The following KIF16B variants were observed in gnomAD, a reference collection of about 807,000 sequenced individuals.
KIF16B encodes the protein kinesin family member 16B.
Under a neutral mutation model 156.3 loss-of-function variants are expected in KIF16B, and 98 were observed. The ratio of observed to expected loss-of-function variants is 0.63; its 90% CI spans 0.53 to 0.74. The LOEUF (loss-of-function observed/expected upper bound fraction) is 0.74. Ranked by LOEUF, KIF16B falls within the 30% of genes least tolerant of loss-of-function variation. The probability of loss-of-function intolerance (pLI) is 0.00; values close to 1 mark genes in which losing one functional copy is unlikely to be tolerated. For synonymous variants in KIF16B, 564 were observed against 583.7 expected (o/e 0.97, Z 0.49); for missense variants, 1,421 against 1,606.5 (o/e 0.88, Z 1.97).
At chr20:16,513,215 G>C (rs1023450277) in intron 4 of KIF16B, among the ~76,000 whole-genome samples, 1 of 150,516 alleles carries the variant, frequency 6.6e-6, no homozygotes, top group Admixed American at 6.7e-5. Flanking sequence ...AAATAAGACA[G>C]TTTATAACTG....
intron 1 of KIF16B, among the ~76,000 whole-genome samples, chr20:16,529,103 G>A (rs2069655038): frequency 6.6e-6 from 1 of 152,192 alleles, no homozygotes; most frequent in African/African-American, 2.4e-5. Flanking sequence ...ACAAAAGATG[G>A]AGAAAATCTA....
intron 22 of KIF16B, chr20:16,367,064 C>A: frequency 4.2e-6 from 6 of 1,441,328 alleles, no homozygotes; most frequent in Non-Finnish European, 4.6e-6. Context: ...CGGAGATATT[C>A]ATATTGCCTT....
intron 24 of KIF16B, among the ~76,000 whole-genome samples, 162 bp downstream of exon 24, chr20:16,335,764 G>A (rs1430337035): frequency 6.6e-6 from 1 of 152,136 alleles, no homozygotes; most frequent in Non-Finnish European, 1.5e-5. Context: ...AAAATTTAAA[G>A]TTATCTTTGA....
chr20:16,314,706 T>C (rs1297450783), intron 24 of KIF16B, among the ~76,000 whole-genome samples: 2 of 152,302 alleles, frequency 1.3e-5, no homozygotes, highest in East Asian at 3.9e-4. Flanking sequence ...ATTTTAGCTA[T>C]ATTAATAGCT....
intron 1 of KIF16B, among the ~76,000 whole-genome samples, chr20:16,549,895 T>C (rs568654655): frequency 8.5e-4 from 48 of 56,574 alleles, no homozygotes; most frequent in African/African-American, 3.3e-3. Flanking sequence ...ATAAAAACCC[T>C]AGAAGAAAAC....
rs1400549538 is a variant in KIF16B, at chr20:16,542,464, GT to G, written c.48-14025del. Among the ~76,000 whole-genome samples the G allele has an allele frequency of 2.6e-5, 4 of 152,332 alleles. No individual in the cohort carries two copies. The East Asian group carries it at 7.7e-4, about 29-fold the overall frequency. On this transcript the variant is annotated intron_variant, in intron 1 of 25. Transcript: ENST00000354981. ...AAATAATACTCTATCATTTTAGATT[GT>G]GGTAAATGCTATAAAGAAATAAAGG...
intron 1 of KIF16B, among the ~76,000 whole-genome samples, chr20:16,569,842 G>T (rs539494225): frequency 6.6e-6 from 1 of 152,200 alleles, no homozygotes; most frequent in Non-Finnish European, 1.5e-5. Flanking sequence ...ATAAAACTAC[G>T]CATGAGGAAA....
At chr20:16,544,687 C>G (rs1038810714) in intron 1 of KIF16B, among the ~76,000 whole-genome samples, 1 of 149,846 alleles carries the variant, frequency 6.7e-6, no homozygotes, top group Admixed American at 6.7e-5. Flanking sequence ...TTCTGGGTGA[C>G]ATTCCATAAC....
intron 22 of KIF16B, among the ~76,000 whole-genome samples, chr20:16,362,911 G>A (rs2064578015): frequency 6.6e-6 from 1 of 152,194 alleles, no homozygotes; most frequent in African/African-American, 2.4e-5. Flanking sequence ...AAAGGCAGGA[G>A]GAGTGACTTA....
intron 22 of KIF16B, chr20:16,368,296 G>A: frequency 1.0e-6 from 1 of 998,406 alleles, no homozygotes; most frequent in Non-Finnish European, 1.2e-6. Flanking sequence ...AAAGACAGAG[G>A]CCCGGTAAGG....
chr20:16,551,563 C>A (rs901805009), intron 1 of KIF16B, among the ~76,000 whole-genome samples: 1 of 152,218 alleles, frequency 6.6e-6, no homozygotes, highest in African/African-American at 2.4e-5. Context: ...AAGAATGAGG[C>A]TGCCAATCCC....
chr20:16,469,254 T>TAAAAAAAAAAAAAAAAAAAAAAAAA (rs57114751), intron 12 of KIF16B, among the ~76,000 whole-genome samples: 8 of 66,074 alleles, frequency 1.2e-4, no homozygotes, highest in Non-Finnish European at 1.8e-4. Context: ...CCCTGTGTCT[T>TAAAAAAAAAAAAAAAAAAAAAAAAA]AAAAAAAAAA....
At chr20:16,460,468 G>A (rs894696849) in intron 12 of KIF16B, among the ~76,000 whole-genome samples, 1 of 152,098 alleles carries the variant, frequency 6.6e-6, no homozygotes, top group African/African-American at 2.4e-5. Context: ...CTACTCAAGA[G>A]GCTGAGGTAG....
At chr20:16,451,682 G>A (rs1002255557) in intron 12 of KIF16B, among the ~76,000 whole-genome samples, 6 of 152,068 alleles carry the variant, frequency 3.9e-5, no homozygotes, top group African/African-American at 1.4e-4. Context: ...AACCAACTTC[G>A]TATTCATGTC....
chr20:16,487,630 T>G (rs2068159741), intron 12 of KIF16B, among the ~76,000 whole-genome samples: 1 of 152,194 alleles, frequency 6.6e-6, no homozygotes, highest in South Asian at 2.1e-4. Context: ...CCATGAAATT[T>G]AAACTCAGAA....
At chr20:16,291,041 A>G (rs994134593) in intron 25 of KIF16B, among the ~76,000 whole-genome samples, 1 of 152,256 alleles carries the variant, frequency 6.6e-6, no homozygotes, top group Admixed American at 6.5e-5. Flanking sequence ...ATATACATTG[A>G]ATACATGTAC....
At chr20:16,317,715 G>A (rs1043739514) in intron 24 of KIF16B, among the ~76,000 whole-genome samples, 1 of 152,216 alleles carries the variant, frequency 6.6e-6, no homozygotes, top group African/African-American at 2.4e-5. Flanking sequence ...TCAAACTGTC[G>A]GCCAGGCAGC....
intron 7 of KIF16B, 51 bp downstream of exon 7, chr20:16,507,907 G>C: frequency 6.2e-7 from 1 of 1,601,016 alleles, no homozygotes; most frequent in Non-Finnish European, 8.5e-7. Context: ...GTGCTAATCA[G>C]CAAGTAAAGA....
intron 3 of KIF16B, among the ~76,000 whole-genome samples, chr20:16,522,188 T>C (rs1385215524): frequency 1.3e-5 from 2 of 152,108 alleles, no homozygotes; most frequent in Non-Finnish European, 2.9e-5. Context: ...ACCTTAAGTA[T>C]AAACGGGCTA....
Sources: gnomAD v4.1 joint callset for allele counts (sites outside exome capture counted in the v4.1 genomes callset) on GRCh38, gnomAD v4.1.1 for gene constraint, MANE v1.5 for transcripts, NCBI Gene and HGNC (gene_info 2026-07-23, HGNC 2026-07-21) for gene names.